CYB5A: variants seen among roughly 807,000 people sequenced by gnomAD.
The protein encoded by CYB5A is cytochrome b5.
A neutral mutation model predicts 16.2 loss-of-function variants in CYB5A; 10 were observed. The observed-to-expected ratio is 0.62, with a 90% CI of 0.38 to 1.04. The LOEUF (loss-of-function observed/expected upper bound fraction) is 1.04. CYB5A is among the 50% of genes least tolerant of loss of function. CYB5A has a pLI of 0.01. For synonymous variants in CYB5A, 62 were observed against 57.0 expected (o/e 1.09, Z -0.40); for missense variants, 161 against 165.9 (o/e 0.97, Z 0.16).
At chr18:74,263,931 T>A (rs530090310) in intron 1 of CYB5A, among the ~76,000 whole-genome samples, 7 of 150,158 alleles carry the variant, frequency 4.7e-5, no homozygotes, top group East Asian at 2.0e-4. Context: ...TAAAAAAAAA[T>A]TTAAAAACAA....
At position 74,286,663 on chromosome 18, in the gene CYB5A, A is replaced by G. The variant is rs186994341; in HGVS notation, c.129+5084T>C. 6.4e-4 allele frequency among the ~76,000 whole-genome samples: 97 copies of G among 152,314 alleles called. 1 individual carries two copies. The highest frequency in any genetic ancestry group is 5.5e-4 in the African/African-American group (23 of 41,576). The stretch of plus-strand genomic sequence containing the variant: ...GTCTAAGACCAGGTCTAGTTTTCCT[A>G]ACCCCAGCCCAGTGCTTTCCCATGA... On this transcript the variant is annotated intron_variant, in intron 1 of 4. Coordinates refer to ENST00000340533, the MANE Select transcript of CYB5A (RefSeq NM_148923.4).
intron 1 of CYB5A, among the ~76,000 whole-genome samples, chr18:74,280,168 T>C (rs187158370): frequency 6.6e-6 from 1 of 152,308 alleles, no homozygotes; most frequent in African/African-American, 2.4e-5. Flanking sequence ...GGGAACCATA[T>C]GTTATTTGGG....
At chr18:74,281,244 G>A (rs1236622365) in intron 1 of CYB5A, among the ~76,000 whole-genome samples, 2 of 152,174 alleles carry the variant, frequency 1.3e-5, no homozygotes, top group Non-Finnish European at 2.9e-5. Flanking sequence ...TGTTTCCCAC[G>A]TTAGGGTGAG....
At chr18:74,257,172 C>T (rs573634481) in intron 3 of CYB5A, 34 of 354,942 alleles carry the variant, frequency 9.6e-5, no homozygotes, top group South Asian at 6.4e-4. Context: ...TCCACGGCGT[C>T]GTTAAAATGA....
intron 4 of CYB5A, among the ~76,000 whole-genome samples, chr18:74,254,744 TCTC>T (rs1312393896): frequency 1.3e-5 from 2 of 151,936 alleles, no homozygotes; most frequent in African/African-American, 2.4e-5. Context: ...ATGGTCTCGA[TCTC>T]CTGACCTCGT....
intron 1 of CYB5A, among the ~76,000 whole-genome samples, chr18:74,281,821 GGT>G (rs34280956): frequency 9.6e-4 from 138 of 143,514 alleles, no homozygotes; most frequent in Non-Finnish European, 1.3e-3. Context: ...AGGAGAGGAG[GGT>G]GTGTGTGTGT....
intron 1 of CYB5A, among the ~76,000 whole-genome samples, chr18:74,276,648 A>G (rs1203706144): frequency 6.6e-6 from 1 of 152,090 alleles, no homozygotes; most frequent in Non-Finnish European, 1.5e-5. Flanking sequence ...CAATATGACA[A>G]TCTGCAGCAG....
At chr18:74,282,352 C>T (rs540435162) in intron 1 of CYB5A, among the ~76,000 whole-genome samples, 4 of 151,958 alleles carry the variant, frequency 2.6e-5, no homozygotes, top group South Asian at 4.2e-4. Flanking sequence ...TTTCTGGCAC[C>T]GGACAAGGGC....
intron 3 of CYB5A, chr18:74,256,081 AACAG>A (rs780661397): frequency 3.0e-6 from 1 of 333,030 alleles, no homozygotes. Flanking sequence ...AGAAACTGAA[AACAG>A]ACATTCATGT....
chr18:74,275,623 T>C (rs967835687), intron 1 of CYB5A, among the ~76,000 whole-genome samples: 9 of 152,142 alleles, frequency 5.9e-5, no homozygotes, highest in Non-Finnish European at 1.3e-4. Flanking sequence ...TGTGTAAACA[T>C]GCAGAAGCAT....
chr18:74,252,201 C>T lies in CYB5A; in HGVS notation c.*1383G>A, dbSNP rs1981795523. The stretch of plus-strand genomic sequence containing the variant: ...AATTCCTTTCCACTGCACGCGGTCA[C>T]TTCTGAAGAACCTCGTGGTTTGTCA... On this transcript the variant is annotated 3_prime_UTR_variant, in exon 5 of 5. Transcript: ENST00000340533. The T allele has an allele frequency of 6.6e-6, 1 of 152,244 alleles. No homozygotes were observed. Among genetic ancestry groups the T allele is most frequent in the South Asian group, 2.1e-4 (1 of 4,834 alleles). 9.4% of individuals were successfully genotyped at this position (152,244 alleles called of 1,614,324 possible).
At chr18:74,290,369 C>G (rs915146350) in intron 1 of CYB5A, among the ~76,000 whole-genome samples, 10 of 152,072 alleles carry the variant, frequency 6.6e-5, no homozygotes, top group Non-Finnish European at 1.2e-4. Context: ...CTCAGCCTCC[C>G]GAGTAGCTGG....
In CYB5A at chr18:74,273,720, G is replaced by GA. The variant is rs1982759649; in HGVS notation, c.130-10244dup. ...GCAGGTGGGATTCACCTGCTCCTGG[G>GA]ATTCTTCCTGCAGGAGAGATGCCAA... On this transcript the variant is annotated intron_variant, in intron 1 of 4. Coordinates refer to ENST00000340533, the MANE Select transcript of CYB5A (RefSeq NM_148923.4). 3.3e-5 allele frequency among the ~76,000 whole-genome samples: 5 copies of GA among 152,336 alleles called. No homozygotes were observed. In the South Asian group the frequency reaches 1.0e-3, roughly 32 times the overall value.
chr18:74,253,516 G>C lies in CYB5A; in HGVS notation c.*68C>G. ...GTGAAGGTTTCTGTCAGTTGAAGTA[G>C]TTAGCAATGGCTTCTTTTCTCCCGT... On this transcript the variant is annotated 3_prime_UTR_variant, in exon 5 of 5. Coordinates refer to ENST00000340533, the MANE Select transcript of CYB5A (RefSeq NM_148923.4). 1 of 940,318 alleles carries C rather than the reference G, an allele frequency of 1.1e-6. No homozygotes were observed. Among genetic ancestry groups the C allele is most frequent in the Non-Finnish European group, 1.7e-6 (1 of 576,290 alleles). The allele number at this position is 940,318 out of a possible 1,614,324, so 58.2% of individuals were successfully genotyped here. A position where few individuals can be genotyped will look rare whatever the true frequency, so the allele number is the denominator to read the frequency against.
Position 74,272,968 on chromosome 18 carries a change from T to C in CYB5A, c.130-9491A>G, listed in dbSNP as rs144499793. ...CAAGAGTGTTTTATGGCTTTAGTCC[T>C]TGTTTTTACTATCATTAAAAATCTG... is the stretch of plus-strand genomic sequence containing the variant. On this transcript the variant is annotated intron_variant, in intron 1 of 4. Transcript: ENST00000340533. 1.4e-3 allele frequency among the ~76,000 whole-genome samples: 220 copies of C among 152,310 alleles called. 1 individual carries two copies. Among genetic ancestry groups the C allele is most frequent in the East Asian group, 1.7e-3 (9 of 5,178 alleles).
At chr18:74,264,570 C>T (rs1982359334) in intron 1 of CYB5A, among the ~76,000 whole-genome samples, 1 of 152,194 alleles carries the variant, frequency 6.6e-6, no homozygotes, top group African/African-American at 2.4e-5. Flanking sequence ...AGATGAGTCC[C>T]TGCCTTTGCA....
intron 1 of CYB5A, among the ~76,000 whole-genome samples, chr18:74,287,361 T>C (rs1194420695): frequency 6.6e-6 from 1 of 152,206 alleles, no homozygotes; most frequent in Non-Finnish European, 1.5e-5. Flanking sequence ...TTCTATGTTT[T>C]TCAAAATTAA....
At chr18:74,274,798 A>T (rs138322378) in intron 1 of CYB5A, among the ~76,000 whole-genome samples, 79 of 152,312 alleles carry the variant, frequency 5.2e-4, no homozygotes, top group East Asian at 3.3e-3. Context: ...GTTGCCCTTA[A>T]CTCCTAAATT....
At chr18:74,291,535 C>T (rs928789626) in intron 1 of CYB5A, among the ~76,000 whole-genome samples, 16 of 139,706 alleles carry the variant, frequency 1.1e-4, no homozygotes, top group African/African-American at 4.1e-4. Flanking sequence ...CGCAGGTGTG[C>T]GGACTTGGGG....
Sources: allele counts gnomAD v4.1 joint callset (sites outside exome capture counted in the v4.1 genomes callset), GRCh38; gene constraint gnomAD v4.1.1; transcripts MANE v1.5; gene names NCBI Gene and HGNC (gene_info 2026-07-23, HGNC 2026-07-21).